Variants in SUMF1 observed in about 807,000 individuals in gnomAD.
The protein encoded by SUMF1 is sulfatase modifying factor 1.
Under a neutral mutation model 47.6 loss-of-function variants are expected in SUMF1, and 48 were observed. That is an observed-to-expected ratio of 1.01 (90% CI 0.80 to 1.28). The LOEUF is 1.28. Ranked by LOEUF, SUMF1 falls within the 50% of genes most tolerant of loss-of-function variation. The probability of loss-of-function intolerance (pLI) is 0.00; values close to 1 mark genes in which losing one functional copy is unlikely to be tolerated. For synonymous variants in SUMF1, 230 were observed against 192.1 expected (o/e 1.20, Z -1.63); for missense variants, 571 against 485.4 (o/e 1.18, Z -1.66).
intron 8 of SUMF1, among the ~76,000 whole-genome samples, chr3:4,293,504 A>G (rs959540013): frequency 6.6e-6 from 1 of 152,232 alleles, no homozygotes; most frequent in Non-Finnish European, 1.5e-5. Flanking sequence ...CCATTTATAA[A>G]TTGGTTATTT....
At chr3:4,292,841 T>C (rs1697766716) in intron 8 of SUMF1, among the ~76,000 whole-genome samples, 1 of 152,138 alleles carries the variant, frequency 6.6e-6, no homozygotes, top group South Asian at 2.1e-4. Context: ...TGCTAAGAGA[T>C]GAAAAAAGAC....
intron 8 of SUMF1, among the ~76,000 whole-genome samples, chr3:4,265,923 G>A (rs1388932140): frequency 3.9e-5 from 6 of 151,980 alleles, no homozygotes; most frequent in South Asian, 2.1e-4. Flanking sequence ...GTAAGGAAGG[G>A]ATCCAGTTTC....
At chr3:4,258,281 G>C (rs1306197457) in intron 8 of SUMF1, among the ~76,000 whole-genome samples, 4 of 147,528 alleles carry the variant, frequency 2.7e-5, no homozygotes, top group Non-Finnish European at 6.0e-5. Flanking sequence ...TTAAACTAAA[G>C]AGCTTCTGCA....
chr3:4,237,572 C>A (rs1696437681), intron 8 of SUMF1, among the ~76,000 whole-genome samples: 2 of 152,004 alleles, frequency 1.3e-5, no homozygotes, highest in Admixed American at 1.3e-4. Context: ...TTCTCCCAGT[C>A]TGTCACTTAT....
intron 8 of SUMF1, among the ~76,000 whole-genome samples, chr3:4,217,137 G>C (rs903044732): frequency 6.6e-6 from 1 of 152,022 alleles, no homozygotes; most frequent in Non-Finnish European, 1.5e-5. Context: ...ATGATAGACT[G>C]GATTAAAAAC....
At chr3:4,310,775 CA>C (rs896304631) in intron 8 of SUMF1, among the ~76,000 whole-genome samples, 9 of 147,160 alleles carry the variant, frequency 6.1e-5, no homozygotes, top group Non-Finnish European at 7.5e-5. Context: ...TTATCCATGT[CA>C]AAAAAAAAAC....
chr3:4,446,422 T>G (rs1702782624), intron 3 of SUMF1, among the ~76,000 whole-genome samples: 1 of 152,232 alleles, frequency 6.6e-6, no homozygotes, highest in Admixed American at 6.5e-5. Context: ...GCCTCTCCAG[T>G]CATGTGGAAC....
chr3:4,286,864 C>T (rs1484701140), intron 8 of SUMF1, among the ~76,000 whole-genome samples: 1 of 152,026 alleles, frequency 6.6e-6, no homozygotes, highest in Non-Finnish European at 1.5e-5. Context: ...ACTTGCAGAA[C>T]AATGCAATGG....
chr3:4,368,062 G>C (rs1395690316), intron 8 of SUMF1, among the ~76,000 whole-genome samples: 1 of 151,898 alleles, frequency 6.6e-6, no homozygotes, highest in African/African-American at 2.4e-5. Flanking sequence ...CTACAAAATG[G>C]GAGAAAATTT....
At chr3:4,331,234 AAC>A (rs907540519) in intron 8 of SUMF1, among the ~76,000 whole-genome samples, 179 of 152,044 alleles carry the variant, frequency 1.2e-3, no homozygotes, top group African/African-American at 4.1e-3. Flanking sequence ...AAAAAAAAAA[AAC>A]CTTTAAACTA....
chr3:4,245,822 T>G (rs927322058), intron 8 of SUMF1, among the ~76,000 whole-genome samples: 1 of 152,206 alleles, frequency 6.6e-6, no homozygotes, highest in Non-Finnish European at 1.5e-5. Context: ...CTGCTGCCTT[T>G]GGTTCAGATA....
At chr3:4,098,420 G>T (rs921911086) in intron 8 of SUMF1, among the ~76,000 whole-genome samples, 8 of 152,090 alleles carry the variant, frequency 5.3e-5, no homozygotes, top group Non-Finnish European at 1.2e-4. Flanking sequence ...GAAAAACTGT[G>T]TGCCTCACCT....
intron 2 of SUMF1, among the ~76,000 whole-genome samples, chr3:4,452,111 C>CA: frequency 6.7e-6 from 1 of 149,284 alleles, no homozygotes. Context: ...TAATAATTTA[C>CA]AAAAAGACAT....
At chr3:4,365,989 T>G (rs1699940812) in intron 8 of SUMF1, among the ~76,000 whole-genome samples, 1 of 152,048 alleles carries the variant, frequency 6.6e-6, no homozygotes, top group East Asian at 1.9e-4. Context: ...TTAGTTTGGC[T>G]GGATATGAAA....
intron 8 of SUMF1, among the ~76,000 whole-genome samples, chr3:4,242,691 A>AT: frequency 6.6e-6 from 1 of 152,054 alleles, no homozygotes; most frequent in Non-Finnish European, 1.5e-5. Flanking sequence ...TTTATTGAGG[A>AT]CTTTTGCATC....
chr3:4,098,435 T>C (rs982152866), intron 8 of SUMF1, among the ~76,000 whole-genome samples: 1 of 152,086 alleles, frequency 6.6e-6, no homozygotes, highest in Non-Finnish European at 1.5e-5. Context: ...TCACCTACAT[T>C]TTGTTTTTTA....
intron 8 of SUMF1, among the ~76,000 whole-genome samples, chr3:4,239,110 C>T (rs1696478836): frequency 6.6e-6 from 1 of 152,160 alleles, no homozygotes; most frequent in East Asian, 1.9e-4. Flanking sequence ...TTTCTGAGGG[C>T]TCTGTTCTGT....
intron 8 of SUMF1, among the ~76,000 whole-genome samples, chr3:4,339,020 T>C (rs746332073): frequency 6.6e-6 from 1 of 152,184 alleles, no homozygotes; most frequent in African/African-American, 2.4e-5. Flanking sequence ...TGACGTTAAC[T>C]TTCCAACCAA....
At chr3:4,155,757 C>T (rs909113437) in intron 8 of SUMF1, among the ~76,000 whole-genome samples, 3 of 151,272 alleles carry the variant, frequency 2.0e-5, no homozygotes, top group Non-Finnish European at 4.4e-5. Flanking sequence ...CCTGTCAGTC[C>T]GAAGCATCCC....
Sources: allele counts gnomAD v4.1 joint callset (sites outside exome capture counted in the v4.1 genomes callset), GRCh38; gene constraint gnomAD v4.1.1; transcripts MANE v1.5; gene names NCBI Gene and HGNC (gene_info 2026-07-23, HGNC 2026-07-21).